The following ZNF429 variants were observed in gnomAD, a reference collection of about 807,000 sequenced individuals.
ZNF429 encodes the protein zinc finger protein 429.
A neutral mutation model predicts 56.8 loss-of-function variants in ZNF429; 53 were observed. The observed-to-expected ratio is 0.93, with a 90% CI of 0.75 to 1.17. The LOEUF is 1.17. Among genes scored for constraint, ZNF429 ranks in the 50% most tolerant of loss-of-function variants. The pLI is 0.00. For synonymous variants in ZNF429, 278 were observed against 264.7 expected (o/e 1.05, Z -0.49); for missense variants, 849 against 788.4 (o/e 1.08, Z -0.92).
rs1389347792 is a variant in ZNF429, at chr19:21,540,042, A to C, written c.*1964A>C. On this transcript the variant is annotated 3_prime_UTR_variant, in exon 4 of 4. Transcript: ENST00000358491. ...TATGCCTCTGTATTACAGTGATAGAAAATATTTTTTAGTTAAAAGTGAATT... is the reference window on the plus strand; with the variant it reads ...TATGCCTCTGTATTACAGTGATAGACAATATTTTTTAGTTAAAAGTGAATT... Among the ~76,000 whole-genome samples the C allele has an allele frequency of 6.6e-6, 1 of 152,322 alleles. No individual in the cohort carries two copies. Among genetic ancestry groups the C allele is most frequent in the East Asian group, 1.9e-4 (1 of 5,192 alleles).
intron 1 of ZNF429, among the ~76,000 whole-genome samples, chr19:21,522,131 C>T (rs1459831114): frequency 1.3e-5 from 2 of 152,210 alleles, no homozygotes; most frequent in African/African-American, 4.8e-5. Flanking sequence ...AGATAGCACC[C>T]CATCCAGCCA....
intron 1 of ZNF429, among the ~76,000 whole-genome samples, chr19:21,511,212 A>G (rs2032446261): frequency 6.8e-6 from 1 of 146,420 alleles, no homozygotes; most frequent in African/African-American, 2.6e-5. Flanking sequence ...GCGGGGGCTG[A>G]CCCCCCACCT....
In ZNF429 at chr19:21,537,901, T is replaced by C. The variant is rs373697477; in HGVS notation, c.1848T>C (p.Thr616=). The change falls in exon 4 of 4, where the codon ACT becomes ACC. Residue 616 remains threonine (T), a synonymous_variant. Transcript: ENST00000358491. ...SRLTQHKKIH[T]REKPYKCEEC... ...TTACTCAACATAAGAAAATTCATAC[T>C]AGAGAGAAACCTTACAAATGTGAAG... The C allele has an allele frequency of 1.8e-4, 283 of 1,613,960 alleles. No individual in the cohort carries two copies. The African/African-American group carries it at 3.4e-3, about 20-fold the overall frequency.
rs1257223913 is a variant in ZNF429, at chr19:21,529,683, C to G, written c.29C>G (p.Ala10Gly). ...GGACCATTGACATTTACAGATGTGG[C>G]CATAGAATTCTCTCTGGAGGAGTGG... MGPLTFTDV[A>G]IEFSLEEWQC... The change falls in exon 2 of 4, where the codon GCC (alanine) becomes GGC (glycine). Residue 10 changes from alanine (A) to glycine (G), a missense_variant. By Grantham distance (60) the Ala-to-Gly change is moderately conservative. Coordinates refer to ENST00000358491, the MANE Select transcript of ZNF429 (RefSeq NM_001001415.4). 3 of 1,594,242 alleles carry G rather than the reference C, an allele frequency of 1.9e-6. No homozygotes were observed.
chr19:21,514,977 G>A (rs1193936711), intron 1 of ZNF429, among the ~76,000 whole-genome samples: 2 of 150,962 alleles, frequency 1.3e-5, no homozygotes, highest in Non-Finnish European at 2.9e-5. Context: ...GTCTCACTCT[G>A]TCACCCAGGC....
chr19:21,506,145 G>C (rs1395807158), intron 1 of ZNF429: 1 of 163,934 alleles, frequency 6.1e-6, no homozygotes, highest in Non-Finnish European at 1.3e-5. Context: ...GGGGTTCCCA[G>C]TTCCCATTCT....
intron 3 of ZNF429, among the ~76,000 whole-genome samples, chr19:21,531,102 A>AAC: frequency 9.2e-6 from 1 of 108,132 alleles, no homozygotes; most frequent in Admixed American, 9.8e-5. Flanking sequence ...GTGAAACTCC[A>AAC]TCTCAAAAAA....
chr19:21,522,730 T>G (rs2033026266), intron 1 of ZNF429, among the ~76,000 whole-genome samples: 1 of 151,936 alleles, frequency 6.6e-6, no homozygotes, highest in South Asian at 2.1e-4. Flanking sequence ...AAACCCTGTC[T>G]CTAAAAAAAT....
chr19:21,537,085 A>G lies in ZNF429; in HGVS notation c.1032A>G (p.Glu344=). The G allele has an allele frequency of 6.2e-7, 1 of 1,613,940 alleles. No homozygotes were observed. The highest frequency in any genetic ancestry group is 8.5e-7 in the Non-Finnish European group (1 of 1,179,894). The change falls in exon 4 of 4, where the codon GAA becomes GAG. Residue 344 remains glutamate, a synonymous_variant. Transcript: ENST00000358491. ...CTGGTGAGAAACCCTACAAATGTGAAGAATGTGGCAAAGCCTTTAACTGGT... is the reference window on the plus strand; with the variant it reads ...CTGGTGAGAAACCCTACAAATGTGAGGAATGTGGCAAAGCCTTTAACTGGT... ...IHTGEKPYKC[E]ECGKAFNWSS...
In ZNF429 at chr19:21,516,170, G is replaced by T. The variant is rs1438981078; in HGVS notation, c.3+10396G>T. Among the ~76,000 whole-genome samples the T allele has an allele frequency of 2.0e-5, 3 of 152,070 alleles. No individual in the cohort carries two copies. The South Asian group carries it at 6.2e-4, about 32-fold the overall frequency. On this transcript the variant is annotated intron_variant, in intron 1 of 3. Transcript: ENST00000358491. ...TGCAACCTCTGCCTCCTGGGTTCAA[G>T]CAATTCTCCTGCCTCAGCCCCCCAA...
At chr19:21,506,402 A>G (rs937004673) in intron 1 of ZNF429, among the ~76,000 whole-genome samples, 1 of 146,178 alleles carries the variant, frequency 6.8e-6, no homozygotes, top group Non-Finnish European at 1.5e-5. Context: ...AGATTGTGCC[A>G]TTGCACTCCA....
rs369479186 is a variant in ZNF429, at chr19:21,526,267, G to A, written c.4-3391G>A. ...TTTAGTGGTGATTTGTGAGATTTTC[G>A]TGCACCCATCACCCAAGCAGTTTAC... On this transcript the variant is annotated intron_variant, in intron 1 of 3. Transcript: ENST00000358491. Among the ~76,000 whole-genome samples the A allele has an allele frequency of 5.9e-5, 9 of 151,380 alleles. No homozygotes were observed. The East Asian group carries it at 9.7e-4, about 16-fold the overall frequency.
Position 21,530,687 on chromosome 19 carries a change from AG to A in ZNF429, c.226+5del. ...TGAAATGGTGGATGAACCCCCAGGTAGGTGAGAGTGAACACAACAGACAACA... is the reference window on the plus strand; with the variant it reads ...TGAAATGGTGGATGAACCCCCAGGTAGTGAGAGTGAACACAACAGACAACA... On this transcript the variant is annotated splice_donor_region_variant and intron_variant, in intron 3 of 3. Transcript: ENST00000358491. The A allele has an allele frequency of 6.2e-7, 1 of 1,605,300 alleles. No individual in the cohort carries two copies. Among genetic ancestry groups the A allele is most frequent in the South Asian group, 1.1e-5 (1 of 89,842 alleles).
chr19:21,537,749 A>C lies in ZNF429; in HGVS notation c.1696A>C (p.Lys566Gln), dbSNP rs764664671. The C allele has an allele frequency of 1.9e-6, 3 of 1,613,946 alleles. No individual in the cohort carries two copies. Among genetic ancestry groups the C allele is most frequent in the Non-Finnish European group, 2.5e-6 (3 of 1,179,998 alleles). The change falls in exon 4 of 4, where the codon AAA becomes CAA. Residue 566 changes from lysine to glutamine, a missense_variant. Lys to Gln is a moderately conservative substitution (Grantham distance 53). Coordinates refer to ENST00000358491, the MANE Select transcript of ZNF429 (RefSeq NM_001001415.4). ...KKIHTGEKPY[K>Q]CKQCDKAFTH... ...AATTCATACTGGAGAGAAACCCTACAAATGTAAACAATGTGACAAAGCTTT... is the reference window on the plus strand; with the variant it reads ...AATTCATACTGGAGAGAAACCCTACCAATGTAAACAATGTGACAAAGCTTT...
In ZNF429 at chr19:21,536,282, G is replaced by A. The variant is rs748901394; in HGVS notation, c.229G>A (p.Val77Met). ...TTGTTGTTTTAATTTTATTTTAGTT[G>A]TGTGTTCTCATTTTGCTGAAGACTT... ...RHEMVDEPPV[V>M]CSHFAEDFWP... Residue 77 changes from valine to methionine, a missense_variant and splice_region_variant, in exon 4 of 4, where the codon GTG (valine) becomes ATG (methionine). By Grantham distance (21) the Val-to-Met change is conservative (BLOSUM62 1). Coordinates refer to ENST00000358491, the MANE Select transcript of ZNF429 (RefSeq NM_001001415.4). The A allele has an allele frequency of 1.3e-6, 2 of 1,563,064 alleles. No homozygotes were observed. Among genetic ancestry groups the A allele is most frequent in the Admixed American group, 4.1e-5 (2 of 48,654 alleles).
rs1335971923 is a variant in ZNF429 at position 21,539,997 on chromosome 19, G to A, written c.*1919G>A. ...GTGGTTAACTTATTGAGTGATGTAT[G>A]AGGTCGATGTTCAGAGTAATATGCC... On this transcript the variant is annotated 3_prime_UTR_variant, in exon 4 of 4. Transcript: ENST00000358491. Among the ~76,000 whole-genome samples the A allele has an allele frequency of 1.3e-5, 2 of 152,090 alleles. No homozygotes were observed. Among genetic ancestry groups the A allele is most frequent in the Non-Finnish European group, 2.9e-5 (2 of 67,998 alleles).
rs367924174 is a variant in ZNF429 at position 21,536,539 on chromosome 19, A to G, written c.486A>G (p.Arg162=). 226 of 1,613,384 alleles carry G rather than the reference A, an allele frequency of 1.4e-4. 1 individual carries two copies. In the African/African-American group the frequency reaches 2.8e-3, roughly 20 times the overall value. The change falls in exon 4 of 4, where the codon AGA becomes AGG. Residue 162 remains arginine (R), a synonymous_variant. Coordinates refer to ENST00000358491, the MANE Select transcript of ZNF429 (RefSeq NM_001001415.4). ...TTTATGCATTTTCAAATGCAGATAG[A>G]TACAAGACAAGACATACTGGAAAGA... The part of the protein sequence containing the change: ...KVFYAFSNAD[R]YKTRHTGKKP...
chr19:21,522,298 T>C (rs994180403), intron 1 of ZNF429, among the ~76,000 whole-genome samples: 18 of 152,208 alleles, frequency 1.2e-4, no homozygotes, highest in African/African-American at 3.9e-4. Context: ...AAATTTAGGA[T>C]AAACTCTGTA....
chr19:21,516,876 T>C (rs1330063888), intron 1 of ZNF429, among the ~76,000 whole-genome samples: 1 of 152,240 alleles, frequency 6.6e-6, no homozygotes, highest in Non-Finnish European at 1.5e-5. Context: ...TATAGAATCA[T>C]GTCATCTGCA....
Sources: allele counts gnomAD v4.1 joint callset (sites outside exome capture counted in the v4.1 genomes callset), GRCh38; gene constraint gnomAD v4.1.1; transcripts MANE v1.5; gene names NCBI Gene and HGNC (gene_info 2026-07-23, HGNC 2026-07-21).